Variants in KRI1 observed in about 807,000 individuals in gnomAD.
KRI1 encodes protein KRI1 homolog.
In KRI1, 83 loss-of-function variants were observed where a neutral mutation model predicts 97.0. The observed-to-expected ratio is 0.86, with a 90% CI of 0.72 to 1.03. The LOEUF is 1.03. Ranked by LOEUF, KRI1 falls within the 50% of genes least tolerant of loss-of-function variation. The pLI is 0.00. For synonymous variants in KRI1, 371 were observed against 363.5 expected (o/e 1.02, Z -0.23); for missense variants, 916 against 928.4 (o/e 0.99, Z 0.17).
At chr19:10,560,573 A>G (rs555954516) in intron 8 of KRI1, 125 bp from the exon 9 acceptor site, 1 of 690,484 alleles carries the variant, frequency 1.4e-6, no homozygotes, top group Non-Finnish European at 2.5e-6. Context: ...TTGGTTTCTT[A>G]TTTTTATTTC....
intron 16 of KRI1, 40 bp downstream of exon 16, chr19:10,557,512 G>T (rs1268574344): frequency 6.3e-7 from 1 of 1,594,190 alleles, no homozygotes; most frequent in Non-Finnish European, 8.6e-7. Flanking sequence ...CGGCATACCT[G>T]GTGCCCCCTG....
At chr19:10,561,521 C>A in intron 6 of KRI1, 146 bp downstream of exon 6, 2 of 886,236 alleles carry the variant, frequency 2.3e-6, no homozygotes, top group Admixed American at 1.8e-5. Context: ...AAGCTCAGAG[C>A]AGTGCTGTGA....
chr19:10,554,311 G>C (rs770954070), intron 18 of KRI1, 30 bp from the exon 19 acceptor site: 1 of 1,588,028 alleles, frequency 6.3e-7, no homozygotes, highest in South Asian at 1.1e-5. Flanking sequence ...GCTCAGCCCA[G>C]GCCTGTCAAG....
chr19:10,555,020 G>A lies in KRI1; in HGVS notation c.1781+67C>T, dbSNP rs550792636. On this transcript the variant is annotated intron_variant, in intron 18 of 18. Coordinates refer to ENST00000312962, the MANE Select transcript of KRI1 (RefSeq NM_023008.5). ...CAAAGTCATGCAACAAGAGGTTGAC[G>A]GAGCCAAGACTCAAGCCTGGGCCTG... 1.3e-4 allele frequency: 175 copies of A among 1,329,052 alleles called. 1 individual carries two copies. The African/African-American group carries it at 1.4e-3, about 10-fold the overall frequency. 82.3% of individuals were successfully genotyped at this position (1,329,052 alleles called of 1,614,324 possible).
chr19:10,555,338 A>G lies in KRI1; in HGVS notation c.1629T>C (p.Ala543=). Residue 543 remains alanine (A), a synonymous_variant, in exon 17 of 19, where the codon GCT becomes GCC. Coordinates refer to ENST00000312962, the MANE Select transcript of KRI1 (RefSeq NM_023008.5). ...FGLSTEEILA[A]DDKELNRWCS... ...ACCACCGGTTCAGCTCCTTATCGTCAGCAGCGAGGATCTGCGTGGGAAGGG... is the reference window on the plus strand; with the variant it reads ...ACCACCGGTTCAGCTCCTTATCGTCGGCAGCGAGGATCTGCGTGGGAAGGG... The G allele has an allele frequency of 1.2e-6, 2 of 1,612,392 alleles. No individual in the cohort carries two copies.
chr19:10,561,226 G>A lies in KRI1; in HGVS notation c.528C>T (p.Gly176=), dbSNP rs565439115. Residue 176 remains glycine (G), a synonymous_variant, in exon 7 of 19, where the codon GGC becomes GGT. Coordinates refer to ENST00000312962, the MANE Select transcript of KRI1 (RefSeq NM_023008.5). The stretch of plus-strand genomic sequence containing the variant: ...GCAAACTGGAGCCGCCCTCCCCAGC[G>A]CCGTCCTCGTCCTCACTGTCCTCCA... ...AFVEDSEDED[G]AGEGGSSLLQ... is the part of the protein sequence containing the mutation. The A allele has an allele frequency of 7.4e-6, 12 of 1,614,028 alleles. No individual in the cohort carries two copies. The highest frequency in any genetic ancestry group is 2.2e-5 in the East Asian group (1 of 44,878).
chr19:10,554,607 G>A (rs749676315), intron 18 of KRI1, among the ~76,000 whole-genome samples: 19 of 151,978 alleles, frequency 1.3e-4, no homozygotes, highest in Non-Finnish European at 1.6e-4. Context: ...GTGCAGTCGC[G>A]TTACCATAGG....
rs548532998 is a variant in KRI1, at chr19:10,561,293, G to C, written c.489-28C>G. ...GCCCACGAGAGAAAACAAGCCTCAGGACAGGCAGGCTGGCCCCTGTCTGCT... is the reference window on the plus strand; with the variant it reads ...GCCCACGAGAGAAAACAAGCCTCAGCACAGGCAGGCTGGCCCCTGTCTGCT... On this transcript the variant is annotated intron_variant, in intron 6 of 18. Transcript: ENST00000312962. 53 of 1,602,484 alleles carry C rather than the reference G, an allele frequency of 3.3e-5. 1 individual carries two copies. In the South Asian group the frequency reaches 5.1e-4, roughly 15 times the overall value.
intron 9 of KRI1, 88 bp downstream of exon 9, chr19:10,560,224 G>A: frequency 1.4e-6 from 2 of 1,471,786 alleles, no homozygotes; most frequent in African/African-American, 1.4e-5. Flanking sequence ...TACACACATG[G>A]TGCCCTCTGC....
intron 7 of KRI1, 35 bp downstream of exon 7, chr19:10,561,134 G>A: frequency 6.2e-7 from 1 of 1,612,060 alleles, no homozygotes; most frequent in South Asian, 1.1e-5. Context: ...CCGCCACCCT[G>A]TCCCCCAGCA....
Position 10,559,421 on chromosome 19 carries a change from C to T in KRI1, c.1132G>A (p.Gly378Ser). 1.2e-6 allele frequency: 2 copies of T among 1,614,110 alleles called. No individual in the cohort carries two copies. The highest frequency in any genetic ancestry group is 1.7e-6 in the Non-Finnish European group (2 of 1,180,030). The change falls in exon 12 of 19, where the codon GGC becomes AGC. Residue 378 changes from glycine (G) to serine (S), a missense_variant. Around this residue, in one of 3 missense-constraint regions of KRI1, gnomAD observed 672 missense variants for 667.2 expected, o/e 1.01. Transcript: ENST00000312962. Reference sequence around the variant, plus strand: ...TCTTCAAGGTCCCCCTCCTCGAGGCCCAGCATCTCGTTGCCTGTTACTTTC... The same window carrying T: ...TCTTCAAGGTCCCCCTCCTCGAGGCTCAGCATCTCGTTGCCTGTTACTTTC... Reference protein sequence around the residue: ...LRKVTGNEMLGLEEGDLEDDF... With the variant: ...LRKVTGNEMLSLEEGDLEDDF...
chr19:10,559,022 T>C (rs547438059), intron 12 of KRI1, among the ~76,000 whole-genome samples: 2 of 121,738 alleles, frequency 1.6e-5, no homozygotes, highest in South Asian at 2.7e-4. Flanking sequence ...TTTTTTTTTT[T>C]AAAACAGAGG....
intron 18 of KRI1, among the ~76,000 whole-genome samples, chr19:10,554,806 A>G (rs913828779): frequency 1.3e-5 from 2 of 152,106 alleles, no homozygotes; most frequent in African/African-American, 4.8e-5. Context: ...TGGGGCATTT[A>G]CCATATCTTA....
chr19:10,556,753 G>A lies in KRI1; in HGVS notation c.1617+799C>T, dbSNP rs532273599. ...CACGCAGAATCCCAGCACTTTGGGA[G>A]GCCAAAGCAGGAAGCTTGTTTAGGC... On this transcript the variant is annotated intron_variant, in intron 16 of 18. Transcript: ENST00000312962. Among the ~76,000 whole-genome samples, 90 of 152,254 alleles carry A rather than the reference G, an allele frequency of 5.9e-4. 2 individuals carry two copies. In the South Asian group the frequency reaches 0.018, roughly 31 times the overall value.
rs968766194 is a variant in KRI1 at position 10,553,442 on chromosome 19, G to A, written c.*509C>T. The A allele has an allele frequency of 3.1e-4, 65 of 212,674 alleles. No homozygotes were observed. The highest frequency in any genetic ancestry group is 1.4e-3 in the African/African-American group (61 of 43,752). 13.2% of individuals were successfully genotyped at this position (212,674 alleles called of 1,614,324 possible). On this transcript the variant is annotated 3_prime_UTR_variant, in exon 19 of 19. Coordinates refer to ENST00000312962, the MANE Select transcript of KRI1 (RefSeq NM_023008.5). ...GATCGTGGGTGTGGCTGGGCGCAGC[G>A]TTCTGAGGGGATGTGGGGTCTGGGA...
chr19:10,565,187 G>T, intron 2 of KRI1, 153 bp from the exon 3 acceptor site: 1 of 659,260 alleles, frequency 1.5e-6, no homozygotes, highest in Non-Finnish European at 2.7e-6. Flanking sequence ...AGGGAGAGGG[G>T]CCCTCTTGGG....
chr19:10,561,090 A>G lies in KRI1; in HGVS notation c.586-10T>C, dbSNP rs777160239. The G allele has an allele frequency of 6.2e-7, 1 of 1,613,950 alleles. No individual in the cohort carries two copies. Among genetic ancestry groups the G allele is most frequent in the Non-Finnish European group, 8.5e-7 (1 of 1,179,884 alleles). Reference sequence around the variant, plus strand: ...CGGCCTCCTCCTGGGCCTGGGGGAAAGCTAGCACTGAGCATCCGCAGATGC... The same window carrying G: ...CGGCCTCCTCCTGGGCCTGGGGGAAGGCTAGCACTGAGCATCCGCAGATGC... On this transcript the variant is annotated splice_polypyrimidine_tract_variant and intron_variant, in intron 7 of 18. Transcript: ENST00000312962.
At chr19:10,559,074 G>A (rs979298931) in intron 12 of KRI1, among the ~76,000 whole-genome samples, 15 of 150,782 alleles carry the variant, frequency 9.9e-5, no homozygotes, top group Non-Finnish European at 2.1e-4. Context: ...GCATGATCTC[G>A]GCTTACTGCA....
intron 18 of KRI1, 59 bp downstream of exon 18, chr19:10,555,028 G>T (rs1364668858): frequency 2.9e-6 from 4 of 1,393,480 alleles, no homozygotes; most frequent in Non-Finnish European, 3.0e-6. Context: ...ACGGAGCCAA[G>T]ACTCAAGCCT....
Sources: gnomAD v4.1 joint callset for allele counts (sites outside exome capture counted in the v4.1 genomes callset) on GRCh38, gnomAD v4.1.1 for gene constraint, gnomAD v4.1.1 regional missense constraint, MANE v1.5 for transcripts, NCBI Gene and HGNC (gene_info 2026-07-23, HGNC 2026-07-21) for gene names.